Variants in USH2A observed in about 807,000 individuals in gnomAD.
The protein encoded by USH2A is Usher syndrome 2A (autosomal recessive, mild).
Under a neutral mutation model 538.9 loss-of-function variants are expected in USH2A, and 443 were observed. The ratio of observed to expected loss-of-function variants is 0.82; its 90% CI spans 0.76 to 0.89. The LOEUF (loss-of-function observed/expected upper bound fraction) is 0.89. Among genes scored for constraint, USH2A ranks in the 40% least tolerant of loss-of-function variants. USH2A has a pLI of 0.00. For missense variants in USH2A, 6,633 were observed against 6,324.8 expected, an observed-to-expected ratio of 1.05 and a Z score of -1.65; for synonymous variants, 2,413 against 2,273.5, an observed-to-expected ratio of 1.06 and a Z score of -1.75.
intron 24 of USH2A, 30 bp from the exon 25 acceptor site, chr1:216,084,907 T>C (rs778449927): frequency 2.0e-5 from 32 of 1,602,388 alleles, no homozygotes; most frequent in South Asian, 3.3e-5. Context: ...TCAAGAAATA[T>C]ATATTTTGAA....
chr1:215,794,928 T>C (rs1662084254), intron 50 of USH2A, among the ~76,000 whole-genome samples: 1 of 152,200 alleles, frequency 6.6e-6, no homozygotes, highest in Non-Finnish European at 1.5e-5. Context: ...TTCCAAAAGA[T>C]TCAAAAGGAA....
intron 21 of USH2A, chr1:216,174,358 T>C (rs1023441739): frequency 4.1e-6 from 4 of 983,742 alleles, no homozygotes; most frequent in Admixed American, 6.2e-5. Flanking sequence ...GTACCATAAG[T>C]AGAGTTTTTT....
At chr1:216,332,314 G>A (rs1409245165) in intron 4 of USH2A, among the ~76,000 whole-genome samples, 2 of 152,022 alleles carry the variant, frequency 1.3e-5, no homozygotes, top group Admixed American at 6.6e-5. Flanking sequence ...AATAATCACT[G>A]GCAACTGCTT....
At chr1:216,162,522 T>C (rs2034080063) in intron 21 of USH2A, among the ~76,000 whole-genome samples, 1 of 152,098 alleles carries the variant, frequency 6.6e-6, no homozygotes, top group Non-Finnish European at 1.5e-5. Context: ...GTAAAACCTC[T>C]GGATTATTTT....
At chr1:216,328,455 T>C (rs541109431) in intron 4 of USH2A, among the ~76,000 whole-genome samples, 1 of 152,278 alleles carries the variant, frequency 6.6e-6, no homozygotes, top group Non-Finnish European at 1.5e-5. Context: ...CCAAGTTTTT[T>C]GTTATATTTT....
At chr1:216,180,811 T>C (rs2034478634) in intron 20 of USH2A, among the ~76,000 whole-genome samples, 1 of 152,130 alleles carries the variant, frequency 6.6e-6, no homozygotes, top group Non-Finnish European at 1.5e-5. Context: ...TTTTGACTTT[T>C]TCGCAGAAAT....
At chr1:216,024,390 T>C (rs1384176259) in intron 32 of USH2A, among the ~76,000 whole-genome samples, 1 of 152,088 alleles carries the variant, frequency 6.6e-6, no homozygotes, top group Non-Finnish European at 1.5e-5. Context: ...CATACCAGCA[T>C]TTTGTAAAGG....
At chr1:215,656,281 G>C (rs537221582) in intron 64 of USH2A, among the ~76,000 whole-genome samples, 2 of 152,236 alleles carry the variant, frequency 1.3e-5, no homozygotes, top group East Asian at 3.9e-4. Context: ...TACATTTCAA[G>C]GGGGTTCCTG....
At chr1:216,113,205 A>G (rs979369427) in intron 21 of USH2A, among the ~76,000 whole-genome samples, 3 of 151,882 alleles carry the variant, frequency 2.0e-5, no homozygotes, top group African/African-American at 7.2e-5. Context: ...ATACATATAC[A>G]TGCTATAGTG....
At chr1:215,803,784 T>C (rs1467646234) in intron 49 of USH2A, among the ~76,000 whole-genome samples, 1 of 152,132 alleles carries the variant, frequency 6.6e-6, no homozygotes, top group East Asian at 1.9e-4. Context: ...AAAAAACTAC[T>C]TTAAAATTCA....
At chr1:216,047,054 A>G (rs1277929212) in intron 31 of USH2A, among the ~76,000 whole-genome samples, 1 of 152,180 alleles carries the variant, frequency 6.6e-6, no homozygotes, top group African/African-American at 2.4e-5. Flanking sequence ...ACATATGAAA[A>G]CTTTAGTGCA....
At chr1:216,364,827 G>C in intron 4 of USH2A, 126 bp downstream of exon 4, 1 of 1,253,924 alleles carries the variant, frequency 8.0e-7, no homozygotes, top group African/African-American at 1.5e-5. Context: ...TCCAGTTGGT[G>C]GTAATTTGTT....
intron 32 of USH2A, among the ~76,000 whole-genome samples, chr1:216,023,354 T>G (rs1668882839): frequency 1.3e-5 from 2 of 148,226 alleles, no homozygotes; most frequent in African/African-American, 5.0e-5. Context: ...CAATACAGTT[T>G]GTAGGTGATA....
chr1:216,330,882 C>A (rs1002840771), intron 4 of USH2A, among the ~76,000 whole-genome samples: 19 of 151,920 alleles, frequency 1.3e-4, no homozygotes, highest in South Asian at 2.1e-4. Flanking sequence ...TGGAGGTGTA[C>A]CTTTCAATGC....
At chr1:216,326,611 C>T (rs1411940047) in intron 5 of USH2A, among the ~76,000 whole-genome samples, 3 of 152,114 alleles carry the variant, frequency 2.0e-5, no homozygotes, top group Non-Finnish European at 2.9e-5. Context: ...TATAGTAAGG[C>T]TTTTGGCAGT....
At chr1:216,180,185 CTG>C (rs2034465915) in intron 20 of USH2A, among the ~76,000 whole-genome samples, 1 of 152,052 alleles carries the variant, frequency 6.6e-6, no homozygotes, top group African/African-American at 2.4e-5. Context: ...CAAAATCTAT[CTG>C]TATTTACCCA....
chr1:216,214,451 T>G (rs1348932059), intron 15 of USH2A, among the ~76,000 whole-genome samples: 1 of 152,000 alleles, frequency 6.6e-6, no homozygotes, highest in African/African-American at 2.4e-5. Flanking sequence ...TTGCAAAAAG[T>G]CTAAATGTTG....
At chr1:215,718,586 C>T (rs1237852633) in intron 61 of USH2A, among the ~76,000 whole-genome samples, 2 of 152,206 alleles carry the variant, frequency 1.3e-5, no homozygotes, top group African/African-American at 4.8e-5. Flanking sequence ...GGTTATATTA[C>T]AGCTGTTACA....
intron 37 of USH2A, among the ~76,000 whole-genome samples, chr1:215,963,472 G>A (rs1667252169): frequency 6.6e-6 from 1 of 151,934 alleles, no homozygotes; most frequent in Non-Finnish European, 1.5e-5. Flanking sequence ...GTCAAATCTC[G>A]TAATTGCTTC....
Sources: gnomAD v4.1 joint callset for allele counts (sites outside exome capture counted in the v4.1 genomes callset) on GRCh38, gnomAD v4.1.1 for gene constraint, MANE v1.5 for transcripts, NCBI Gene and HGNC (gene_info 2026-07-23, HGNC 2026-07-21) for gene names.